MXRA8: variants seen among roughly 807,000 people sequenced by gnomAD.
The protein encoded by MXRA8 is matrix remodeling-associated protein 8.
Under a neutral mutation model 51.4 loss-of-function variants are expected in MXRA8, and 44 were observed. The observed-to-expected ratio is 0.86, with a 90% CI of 0.67 to 1.10. The LOEUF is 1.10. Ranked by LOEUF, MXRA8 falls within the 50% of genes least tolerant of loss-of-function variation. The pLI, the probability that MXRA8 is intolerant of heterozygous loss-of-function variation, is 0.00. For synonymous variants in MXRA8, 369 were observed against 293.5 expected, an observed-to-expected ratio of 1.26 and a Z score of -2.63; for missense variants, 765 against 638.9, an observed-to-expected ratio of 1.20 and a Z score of -2.13.
upstream of MXRA8, among the ~76,000 whole-genome samples, chr1:1,362,525 A>G (rs369457854): frequency 6.6e-6 from 1 of 152,092 alleles, no homozygotes; most frequent in Admixed American, 6.5e-5. Context: ...CACGCCTGTA[A>G]TCCCAGCACT....
Position 1,354,604 on chromosome 1 carries a change from G to T in MXRA8, c.949+78C>A. 11 of 1,550,870 alleles carry T rather than the reference G, an allele frequency of 7.1e-6. No homozygotes were observed. In the South Asian group the frequency reaches 1.4e-4, roughly 19 times the overall value. On this transcript the variant is annotated intron_variant, in intron 5 of 9. Coordinates refer to ENST00000309212, the MANE Select transcript of MXRA8 (RefSeq NM_032348.4). ...CCCCGCTGGGATCCGCGGGCCTCGG[G>T]CAAGGGACAGCGGGCGCAGAGCAAC...
At chr1:1,356,588 G>A (rs942810545) in intron 2 of MXRA8, 93 bp downstream of exon 2, 85 of 886,246 alleles carry the variant, frequency 9.6e-5, no homozygotes, top group Non-Finnish European at 5.9e-5. Flanking sequence ...GTGGGGGAGG[G>A]GCAGGGCCTG....
In MXRA8 at chr1:1,353,144, A is replaced by G. The variant is rs1488826391; in HGVS notation, c.*460T>C. The G allele has an allele frequency of 1.2e-6, 1 of 864,360 alleles. No individual in the cohort carries two copies. Among genetic ancestry groups the G allele is most frequent in the Non-Finnish European group, 1.9e-6 (1 of 535,332 alleles). The allele number at this position is 864,360 out of a possible 1,614,324, so 53.5% of individuals were successfully genotyped here. ...GGGACTCCTGCCGAGGCTGACCCCA[A>G]CTTCAAGGCTGCCAAGTTCTGATGG... On this transcript the variant is annotated 3_prime_UTR_variant, in exon 10 of 10. Transcript: ENST00000309212.
intron 2 of MXRA8, among the ~76,000 whole-genome samples, chr1:1,356,382 C>G (rs1436979246): frequency 4.3e-5 from 3 of 69,746 alleles, no homozygotes; most frequent in Admixed American, 2.1e-4. Context: ...CCCGAAGGCC[C>G]TGGTTGGGGA....
Position 1,353,312 on chromosome 1 carries a change from G to C in MXRA8, c.*292C>G, listed in dbSNP as rs1429082500. The C allele has an allele frequency of 1.3e-6, 2 of 1,549,794 alleles. No individual in the cohort carries two copies. The highest frequency in any genetic ancestry group is 3.9e-5 in the Admixed American group (2 of 50,890). On this transcript the variant is annotated 3_prime_UTR_variant, in exon 10 of 10. Transcript: ENST00000309212. ...CTCCAGGAATGTCTTCAGGCCCCCA[G>C]CGGGCAGAGCCCAGAAGGGTCTGAG...
chr1:1,358,368 C>T, intron 1 of MXRA8, 88 bp downstream of exon 1: 2 of 1,442,132 alleles, frequency 1.4e-6, no homozygotes, highest in East Asian at 5.0e-5. Flanking sequence ...TCCTCCTGGC[C>T]CAAGCTCAGA....
Position 1,352,714 on chromosome 1 carries a change from T to C in MXRA8, c.*890A>G. 6.2e-6 allele frequency: 1 copy of C among 160,960 alleles called. No homozygotes were observed. Among genetic ancestry groups the C allele is most frequent in the Non-Finnish European group, 1.3e-5 (1 of 74,312 alleles). 10.0% of individuals were successfully genotyped at this position (160,960 alleles called of 1,614,324 possible). On this transcript the variant is annotated 3_prime_UTR_variant, in exon 10 of 10. Transcript: ENST00000309212. ...TCTAAAAATCAGATGGGGACTTTAT[T>C]GTGATGGTGGCAGGTCCACCAGCAG...
Position 1,354,818 on chromosome 1 carries a change from G to A in MXRA8, c.813C>T (p.Ser271=). The change falls in exon 5 of 10, where the codon TCC becomes TCT. Residue 271 remains serine, a synonymous_variant. Coordinates refer to ENST00000309212, the MANE Select transcript of MXRA8 (RefSeq NM_032348.4). ...PLEVADEGTY[S]CHLHHHYCGL... ...CACAGTAATGGTGGTGCAGGTGGCA[G>A]GAGTAGGTGCCCTCGTCGGCGACCT... The A allele has an allele frequency of 2.5e-6, 4 of 1,612,292 alleles. No homozygotes were observed. Among genetic ancestry groups the A allele is most frequent in the South Asian group, 1.1e-5 (1 of 91,080 alleles).
chr1:1,361,084 GCA>G (rs1390584368), upstream of MXRA8, among the ~76,000 whole-genome samples: 39 of 150,218 alleles, frequency 2.6e-4, no homozygotes, highest in African/African-American at 4.9e-4. Flanking sequence ...ACAGACATGC[GCA>G]CACACGACAC....
chr1:1,352,987 C>A lies in MXRA8; in HGVS notation c.*617G>T. ...GCAAGGGGTGCAGCCCCAGGTGGCCCAAAGCAACACAGAGGAGCAAGGGCT... is the reference window on the plus strand; with the variant it reads ...GCAAGGGGTGCAGCCCCAGGTGGCCAAAAGCAACACAGAGGAGCAAGGGCT... On this transcript the variant is annotated 3_prime_UTR_variant, in exon 10 of 10. Coordinates refer to ENST00000309212, the MANE Select transcript of MXRA8 (RefSeq NM_032348.4). The A allele has an allele frequency of 2.0e-6, 1 of 501,676 alleles. No homozygotes were observed. 31.1% of individuals were successfully genotyped at this position (501,676 alleles called of 1,614,324 possible).
intron 9 of MXRA8, 72 bp from the exon 10 acceptor site, chr1:1,353,701 C>A (rs965289438): frequency 4.7e-6 from 7 of 1,495,758 alleles, no homozygotes; most frequent in African/African-American, 1.4e-5. Context: ...ACAGGGCAGA[C>A]CCCCCCGCAG....
Position 1,355,633 on chromosome 1 carries a change from G to C in MXRA8, c.193C>G (p.Arg65Gly), listed in dbSNP as rs544124926. The change falls in exon 3 of 10, where the codon CGG becomes GGG. Residue 65 changes from arginine to glycine, a missense_variant. Transcript: ENST00000309212. ...AGCACGCGCTGGCGGTCGTGCAGCC[G>C]GTCCTGGGTCCACACCATGCGCGGG... is the stretch of plus-strand genomic sequence containing the variant. ...QSPRMVWTQD[R>G]LHDRQRVLHW... is the part of the protein sequence containing the mutation. 2 of 1,462,688 alleles carry C rather than the reference G, an allele frequency of 1.4e-6. No homozygotes were observed. Among genetic ancestry groups the C allele is most frequent in the Non-Finnish European group, 1.8e-6 (2 of 1,113,670 alleles). 90.6% of individuals were successfully genotyped at this position (1,462,688 alleles called of 1,614,324 possible).
At chr1:1,362,212 C>T (rs911511612), upstream of MXRA8, among the ~76,000 whole-genome samples, 11 of 152,166 alleles carry the variant, frequency 7.2e-5, no homozygotes, top group Non-Finnish European at 1.6e-4. Flanking sequence ...AGGAGAGCTG[C>T]CCTCCACCAC....
upstream of MXRA8, chr1:1,359,026 T>C (rs1486087575): frequency 2.0e-6 from 2 of 985,340 alleles, no homozygotes; most frequent in African/African-American, 1.7e-5. Context: ...TCAGACCAGA[T>C]GGCCCTTCCA....
chr1:1,358,794 T>G, upstream of MXRA8: 1 of 1,184,830 alleles, frequency 8.4e-7, no homozygotes, highest in South Asian at 2.7e-5. Flanking sequence ...TCCGAGGACA[T>G]GGGCCCCTGA....
intron 1 of MXRA8, among the ~76,000 whole-genome samples, chr1:1,357,832 C>T (rs1420412751): frequency 6.6e-6 from 1 of 152,176 alleles, no homozygotes; most frequent in Non-Finnish European, 1.5e-5. Flanking sequence ...TGAGGGAAAC[C>T]TGTATGCAGA....
intron 2 of MXRA8, among the ~76,000 whole-genome samples, chr1:1,356,187 G>GA (rs1644126268): frequency 8.7e-6 from 1 of 114,610 alleles, no homozygotes; most frequent in South Asian, 3.5e-4. Context: ...GGGGGAAGGG[G>GA]AATCATTGGG....
chr1:1,358,593 C>T, upstream of MXRA8: 6 of 1,518,074 alleles, frequency 4.0e-6, no homozygotes, highest in Non-Finnish European at 5.3e-6. Context: ...CCTTAGCACC[C>T]GCGGTGACAT....
At position 1,356,675 on chromosome 1, in the gene MXRA8, A is replaced by G; in HGVS notation, c.73+6T>C. On this transcript the variant is annotated splice_donor_region_variant and intron_variant, in intron 2 of 9. Coordinates refer to ENST00000309212, the MANE Select transcript of MXRA8 (RefSeq NM_032348.4). ...GGGGTGGGCAGCTGGGGCTGGGGTC[A>G]CTAACCTGAGTGCAGGAGAACAGCA... The G allele has an allele frequency of 7.1e-7, 1 of 1,404,244 alleles. No individual in the cohort carries two copies. Among genetic ancestry groups the G allele is most frequent in the South Asian group, 1.7e-5 (1 of 60,342 alleles). 87.0% of individuals were successfully genotyped at this position (1,404,244 alleles called of 1,614,324 possible). A position where few individuals can be genotyped will look rare whatever the true frequency, so the allele number is the denominator to read the frequency against.
Sources: allele counts gnomAD v4.1 joint callset (sites outside exome capture counted in the v4.1 genomes callset), GRCh38; gene constraint gnomAD v4.1.1; transcripts MANE v1.5; gene names NCBI Gene and HGNC (gene_info 2026-07-23, HGNC 2026-07-21).